Variants in ASAP1 observed in about 807,000 individuals in gnomAD.
The protein encoded by ASAP1 is arf-GAP with SH3 domain, ANK repeat and PH domain-containing protein 1.
ASAP1 carries 43 observed loss-of-function variants against 145.2 expected under a neutral mutation model. The ratio of observed to expected loss-of-function variants is 0.30; its 90% CI spans 0.23 to 0.38. The LOEUF is 0.38. ASAP1 is among the 10% of genes least tolerant of loss of function. The probability of loss-of-function intolerance (pLI) is 1.00; values close to 1 mark genes in which losing one functional copy is unlikely to be tolerated. For synonymous variants in ASAP1, 546 were observed against 515.5 expected, an observed-to-expected ratio of 1.06 and a Z score of -0.80; for missense variants, 1,018 against 1,355.3, an observed-to-expected ratio of 0.75 and a Z score of 3.91.
chr8:130,361,254 C>T (rs1024898220), intron 2 of ASAP1: 1 of 198,918 alleles, frequency 5.0e-6, no homozygotes, highest in African/African-American at 2.3e-5. Context: ...GCCCTGGGTT[C>T]CAGAGTTTTC....
intron 7 of ASAP1, among the ~76,000 whole-genome samples, chr8:130,186,823 T>G (rs1430954800): frequency 2.6e-5 from 4 of 152,220 alleles, no homozygotes; most frequent in African/African-American, 7.2e-5. Context: ...AAAAAACACT[T>G]AGTGCACGTC....
At chr8:130,202,896 G>T (rs1586584390) in intron 5 of ASAP1, among the ~76,000 whole-genome samples, 1 of 152,248 alleles carries the variant, frequency 6.6e-6, no homozygotes, top group East Asian at 1.9e-4. Flanking sequence ...TTTACTGAAA[G>T]ATGTAGTCAG....
intron 27 of ASAP1, among the ~76,000 whole-genome samples, chr8:130,073,025 A>C (rs924939921): frequency 6.6e-6 from 1 of 151,594 alleles, no homozygotes; most frequent in Admixed American, 6.6e-5. Context: ...GCAGAGGAAA[A>C]ACACAGTTAG....
At chr8:130,102,894 T>C (rs2097531093) in intron 24 of ASAP1, among the ~76,000 whole-genome samples, 1 of 152,240 alleles carries the variant, frequency 6.6e-6, no homozygotes, top group Non-Finnish European at 1.5e-5. Flanking sequence ...TCTCACCATG[T>C]TGCCCAGATT....
intron 1 of ASAP1, among the ~76,000 whole-genome samples, chr8:130,433,832 G>C (rs79259153): frequency 0.02 from 3,031 of 152,294 alleles, 115 homozygotes; most frequent in African/African-American, 0.07. Context: ...TTAAAAAACT[G>C]TGAGAGTTTT....
At chr8:130,075,929 A>C (rs1339526122) in intron 27 of ASAP1, among the ~76,000 whole-genome samples, 3 of 152,188 alleles carry the variant, frequency 2.0e-5, no homozygotes, top group African/African-American at 4.8e-5. Flanking sequence ...TGTCCTTACA[A>C]AACCTCACGA....
intron 4 of ASAP1, 142 bp downstream of exon 4, chr8:130,236,780 G>GA: frequency 3.4e-6 from 2 of 580,578 alleles, no homozygotes; most frequent in Non-Finnish European, 5.7e-6. Context: ...CGAGATAAGA[G>GA]AAAAAAAGAG....
At chr8:130,424,601 A>G (rs2138728246) in intron 1 of ASAP1, among the ~76,000 whole-genome samples, 1 of 152,284 alleles carries the variant, frequency 6.6e-6, no homozygotes, top group Non-Finnish European at 1.5e-5. Context: ...CCTTCTCAGC[A>G]GGTGATAAAA....
chr8:130,099,346 T>A (rs77541703), intron 24 of ASAP1, among the ~76,000 whole-genome samples: 1 of 151,406 alleles, frequency 6.6e-6, no homozygotes, highest in Non-Finnish European at 1.5e-5. Flanking sequence ...GCCTGGCTAA[T>A]TTTTTTTGTA....
intron 3 of ASAP1, among the ~76,000 whole-genome samples, chr8:130,317,013 C>G (rs150082789): frequency 2.0e-5 from 3 of 151,892 alleles, no homozygotes; most frequent in Non-Finnish European, 4.4e-5. Context: ...GTTGAATGTT[C>G]CAGGCCCTAC....
chr8:130,190,762 C>T (rs1051510477), intron 5 of ASAP1, among the ~76,000 whole-genome samples: 1 of 152,180 alleles, frequency 6.6e-6, no homozygotes, highest in Non-Finnish European at 1.5e-5. Context: ...GTGATCCACC[C>T]TCCTTGGCCT....
chr8:130,342,065 G>C (rs924685851), intron 3 of ASAP1, among the ~76,000 whole-genome samples: 1 of 152,180 alleles, frequency 6.6e-6, no homozygotes, highest in Admixed American at 6.5e-5. Context: ...TTCCTTCCAA[G>C]AGTTAGCTGA....
At chr8:130,309,543 A>C (rs1467621187) in intron 3 of ASAP1, among the ~76,000 whole-genome samples, 1 of 152,216 alleles carries the variant, frequency 6.6e-6, no homozygotes, top group Non-Finnish European at 1.5e-5. Context: ...ATAAGCAGTG[A>C]GGCAAGACAG....
chr8:130,135,553 G>A (rs1344615128), intron 14 of ASAP1, among the ~76,000 whole-genome samples: 1 of 152,136 alleles, frequency 6.6e-6, no homozygotes, highest in Admixed American at 6.5e-5. Context: ...GCCATGGGTG[G>A]CAGAGCCTGA....
chr8:130,270,991 A>T (rs1308398198), intron 3 of ASAP1, among the ~76,000 whole-genome samples: 1 of 152,172 alleles, frequency 6.6e-6, no homozygotes, highest in Non-Finnish European at 1.5e-5. Flanking sequence ...TGGCCAAACA[A>T]ATCACACTGG....
chr8:130,250,432 G>A (rs549246971), intron 3 of ASAP1, among the ~76,000 whole-genome samples: 27 of 152,218 alleles, frequency 1.8e-4, no homozygotes, highest in African/African-American at 6.0e-4. Flanking sequence ...TTTTTGTCAC[G>A]TCCAAGTATG....
At chr8:130,057,848 T>G in intron 29 of ASAP1, 106 bp downstream of exon 29, 1 of 1,419,504 alleles carries the variant, frequency 7.0e-7, no homozygotes, top group Non-Finnish European at 9.7e-7. Flanking sequence ...AGGGTCCTTG[T>G]GCTCAAGAGC....
chr8:130,350,712 G>A (rs1317959646), intron 3 of ASAP1, among the ~76,000 whole-genome samples: 5 of 152,220 alleles, frequency 3.3e-5, no homozygotes, highest in Admixed American at 3.3e-4. Context: ...CTTTCAGGTT[G>A]GCAAACGCCA....
At chr8:130,328,747 C>T (rs367656661) in intron 3 of ASAP1, among the ~76,000 whole-genome samples, 2 of 151,944 alleles carry the variant, frequency 1.3e-5, no homozygotes, top group African/African-American at 2.4e-5. Context: ...CACAGCCTCC[C>T]GAGTAGCTAG....
Sources: gnomAD v4.1 joint callset for allele counts (sites outside exome capture counted in the v4.1 genomes callset) on GRCh38, gnomAD v4.1.1 for gene constraint, MANE v1.5 for transcripts, NCBI Gene and HGNC (gene_info 2026-07-23, HGNC 2026-07-21) for gene names.